Variants in GNAS observed in about 807,000 individuals in gnomAD.
The protein encoded by GNAS is GNAS complex locus, also known as protein ALEX.
GNAS carries 8 observed loss-of-function variants against 54.5 expected under a neutral mutation model. The ratio of observed to expected loss-of-function variants is 0.15; its 90% confidence interval spans 0.09 to 0.26. The LOEUF (loss-of-function observed/expected upper bound fraction) is 0.26, where lower values mean the gene tolerates loss of function less well. GNAS is among the 10% of genes least tolerant of loss of function. GNAS has a pLI of 1.00. For missense variants in GNAS, 170 were observed against 529.8 expected (o/e 0.32, Z 6.67); for synonymous variants, 204 against 191.4 (o/e 1.07, Z -0.54).
At chr20:58,855,871 A>G (rs917835645) in intron 1 of GNAS, 31 of 551,284 alleles carry the variant, frequency 5.6e-5, no homozygotes, top group Non-Finnish European at 9.6e-5. Flanking sequence ...CGGCACCCCC[A>G]AATTACCCGC....
In GNAS at chr20:58,863,579, T is replaced by C. The variant is rs2086886153; in HGVS notation, c.43+22693T>C. 1 of 152,004 alleles carries C rather than the reference T, an allele frequency of 6.6e-6. No homozygotes were observed. The highest frequency in any genetic ancestry group is 1.5e-5 in the Non-Finnish European group (1 of 67,994). The allele number at this position is 152,004 out of a possible 1,614,324, so 9.4% of individuals were successfully genotyped here. On this transcript the variant is annotated intron_variant, in intron 1 of 12. Coordinates refer to the GNAS transcript ENST00000306090. The surrounding 1 kb of genome is among the most constrained non-coding windows in gnomAD (Gnocchi z 4.1). ...TTAACTTCCTTTAATGAGTTGATAA[T>C]GGGAAGGAAAAAAATCTCTGTACTA...
At chr20:58,858,388 G>C (rs1254992935) in intron 1 of GNAS, among the ~76,000 whole-genome samples, 1 of 152,078 alleles carries the variant, frequency 6.6e-6, no homozygotes, top group African/African-American at 2.4e-5. Flanking sequence ...GAGAGAGAGA[G>C]AAAGATAGAT....
chr20:58,884,607 AC>A (rs1318736049), intron 1 of GNAS: 1 of 152,220 alleles, frequency 6.6e-6, no homozygotes, highest in Non-Finnish European at 1.5e-5. Context: ...TAGTCTCCCT[AC>A]ATTATTCTCC....
At chr20:58,899,710 GCACA>G in intron 3 of GNAS, among the ~76,000 whole-genome samples, 1 of 151,368 alleles carries the variant, frequency 6.6e-6, no homozygotes, top group South Asian at 2.1e-4. Flanking sequence ...CACATCACAC[GCACA>G]CACAGCCACA....
intron 1 of GNAS, chr20:58,855,348 TC>T (rs1483411836): frequency 6.4e-7 from 1 of 1,556,470 alleles, no homozygotes; most frequent in East Asian, 2.4e-5. Flanking sequence ...TGCGGCGGAC[TC>T]TGCCTGCGGG....
upstream of GNAS, among the ~76,000 whole-genome samples, chr20:58,889,704 CCAGCCCAG>C (rs1037550965): frequency 2.8e-4 from 42 of 151,462 alleles, no homozygotes; most frequent in Non-Finnish European, 4.1e-4. Flanking sequence ...TCTTAGGCAG[CCAGCCCAG>C]CAGCCCGAAG....
chr20:58,897,344 C>T (rs934371613), intron 2 of GNAS: 1 of 152,228 alleles, frequency 6.6e-6, no homozygotes, highest in Non-Finnish European at 1.5e-5. Context: ...AAAAATCTTG[C>T]ATAAATTTTC....
At chr20:58,845,631 G>T (rs778719385) in intron 1 of GNAS, among the ~76,000 whole-genome samples, 5 of 152,070 alleles carry the variant, frequency 3.3e-5, no homozygotes, top group Non-Finnish European at 7.4e-5. Context: ...GGCCATATGT[G>T]GGGGGTGGGG....
In GNAS at chr20:58,903,416, A is replaced by G; in HGVS notation, c.258-115A>G. 4.4e-6 allele frequency: 4 copies of G among 916,794 alleles called. 1 individual carries two copies. Among genetic ancestry groups the G allele is most frequent in the South Asian group, 4.1e-5 (3 of 72,984 alleles). The allele number at this position is 916,794 out of a possible 1,614,324, so 56.8% of individuals were successfully genotyped here. Reference sequence around the variant, plus strand: ...CCAATCTTTGCACAGATCCGAACCCACAACTCCCTGAAGAACAGAATACTA... The same window carrying G: ...CCAATCTTTGCACAGATCCGAACCCGCAACTCCCTGAAGAACAGAATACTA... On this transcript the variant is annotated intron_variant, in intron 3 of 12. Transcript: ENST00000371085.
At chr20:58,866,948 AAT>A (rs2087106513) in intron 1 of GNAS, among the ~76,000 whole-genome samples, 1 of 152,166 alleles carries the variant, frequency 6.6e-6, no homozygotes, top group Non-Finnish European at 1.5e-5. Flanking sequence ...AAGGTGTAGA[AAT>A]ATATTGGTAG....
intron 6 of GNAS, among the ~76,000 whole-genome samples, chr20:58,908,699 G>C (rs1171132826): frequency 6.6e-6 from 1 of 152,000 alleles, no homozygotes; most frequent in Non-Finnish European, 1.5e-5. Flanking sequence ...GAATGTGATA[G>C]GCCAGCCTGG....
At chr20:58,854,943 G>T in intron 1 of GNAS, 1 of 1,606,220 alleles carries the variant, frequency 6.2e-7, no homozygotes, top group Non-Finnish European at 8.5e-7. Context: ...GAGCAGCCGC[G>T]GCCGCCGCGT....
At chr20:58,898,862 A>G in intron 2 of GNAS, 79 bp from the exon 3 acceptor site, 1 of 1,190,922 alleles carries the variant, frequency 8.4e-7, no homozygotes, top group African/African-American at 1.5e-5. Context: ...TGGTTGAGGA[A>G]TGTAGAGAGA....
At chr20:58,879,591 G>A (rs2088083861) in intron 1 of GNAS, among the ~76,000 whole-genome samples, 2 of 152,172 alleles carry the variant, frequency 1.3e-5, no homozygotes, top group Non-Finnish European at 2.9e-5. Context: ...CTGTCCTGAT[G>A]TTACCCCAAC....
At chr20:58,877,182 T>G (rs970551214) in intron 1 of GNAS, among the ~76,000 whole-genome samples, 2 of 149,084 alleles carry the variant, frequency 1.3e-5, no homozygotes, top group Non-Finnish European at 3.0e-5. Flanking sequence ...AGGAGGCTCG[T>G]GGTGGGGGGA....
chr20:58,877,757 C>T (rs2087924657), intron 1 of GNAS, among the ~76,000 whole-genome samples: 1 of 152,232 alleles, frequency 6.6e-6, no homozygotes. Context: ...CTTCCCACCT[C>T]CCGGCCTTGC....
chr20:58,868,023 T>TTG (rs1555877207), intron 1 of GNAS, among the ~76,000 whole-genome samples: 1 of 111,088 alleles, frequency 9.0e-6, no homozygotes, highest in East Asian at 2.2e-4. Flanking sequence ...TCTTTCTTTC[T>TTG]TTTTTTTTTT....
In GNAS at chr20:58,841,633, C is replaced by A. The variant is rs2085732573; in HGVS notation, c.43+747C>A. The stretch of plus-strand genomic sequence containing the variant: ...ACCTGCCCGCGCGCGCCGGAGCTGA[C>A]CTCTCCCGGCGGCGGGCGGTTAGGG... On this transcript the variant is annotated intron_variant, in intron 1 of 12. Transcript: ENST00000306090. This position sits in a 1 kb window ranked among gnomAD's most constrained non-coding sequence, Gnocchi z 5.0. 2 of 1,084,636 alleles carry A rather than the reference C, an allele frequency of 1.8e-6. No individual in the cohort carries two copies. Among genetic ancestry groups the A allele is most frequent in the African/African-American group, 1.6e-5 (1 of 60,840 alleles). The allele number at this position is 1,084,636 out of a possible 1,614,324, so 67.2% of individuals were successfully genotyped here. A position where few individuals can be genotyped will look rare whatever the true frequency, so the allele number is the denominator to read the frequency against.
intron 1 of GNAS, among the ~76,000 whole-genome samples, chr20:58,892,887 C>A (rs1213445812): frequency 8.4e-6 from 1 of 118,604 alleles, no homozygotes; most frequent in Non-Finnish European, 1.7e-5. Context: ...CCACCCACCA[C>A]GAGCAGCGCC....
Sources: gnomAD v4.1 joint callset for allele counts (sites outside exome capture counted in the v4.1 genomes callset) on GRCh38, gnomAD v4.1.1 for gene constraint, Gnocchi (gnomAD v3.1) non-coding constraint, MANE v1.5 for transcripts, NCBI Gene and HGNC (gene_info 2026-07-23, HGNC 2026-07-21) for gene names.